The following PPL variants were observed in gnomAD, a reference collection of about 807,000 sequenced individuals.
PPL encodes periplakin, also known as 190 kDa paraneoplastic pemphigus antigen.
Under a neutral mutation model 194.4 loss-of-function variants are expected in PPL, and 198 were observed. The ratio of observed to expected loss-of-function variants is 1.02; its 90% CI spans 0.91 to 1.15. The LOEUF (loss-of-function observed/expected upper bound fraction) is 1.15, where lower values mean the gene tolerates loss of function less well. Ranked by LOEUF, PPL falls within the 50% of genes most tolerant of loss-of-function variation. The pLI, the probability that PPL is intolerant of heterozygous loss-of-function variation, is 0.00. For synonymous variants in PPL, 1,220 were observed against 972.4 expected (o/e 1.25, Z -4.74); for missense variants, 2,885 against 2,294.8 (o/e 1.26, Z -5.25).
intron 21 of PPL, 64 bp from the exon 22 acceptor site, chr16:4,886,111 C>T (rs2088215900): frequency 4.3e-5 from 68 of 1,599,132 alleles, no homozygotes; most frequent in Non-Finnish European, 5.7e-5. Context: ...GGGCCTGTCC[C>T]CACCTGGTCA....
At chr16:4,898,430 G>A (rs2088477194) in intron 8 of PPL, among the ~76,000 whole-genome samples, 1 of 152,156 alleles carries the variant, frequency 6.6e-6, no homozygotes, top group African/African-American at 2.4e-5. Context: ...CCTTATTTGG[G>A]AATAAGATCT....
At chr16:4,905,463 T>C (rs1163268770) in intron 2 of PPL, among the ~76,000 whole-genome samples, 1 of 152,056 alleles carries the variant, frequency 6.6e-6, no homozygotes, top group Non-Finnish European at 1.5e-5. Context: ...TAACAGTAAA[T>C]AGGCACAAGA....
intron 1 of PPL, among the ~76,000 whole-genome samples, chr16:4,916,630 G>A (rs1007252605): frequency 9.2e-5 from 14 of 151,364 alleles, no homozygotes; most frequent in Admixed American, 5.9e-4. Flanking sequence ...CTCAGCCTCC[G>A]AGTAACTGCG....
chr16:4,937,148 T>G lies in PPL; in HGVS notation c.-103A>C. On this transcript the variant is annotated 5_prime_UTR_variant, in exon 1 of 22. Coordinates refer to ENST00000345988, the MANE Select transcript of PPL (RefSeq NM_002705.5). Reference sequence around the variant, plus strand: ...GAGCGGCGGCGCGGGGAGCCCGGACTGCGGCGCGGCAGTGGCTCCGGGTCC... The same window carrying G: ...GAGCGGCGGCGCGGGGAGCCCGGACGGCGGCGCGGCAGTGGCTCCGGGTCC... 1.3e-6 allele frequency: 1 copy of G among 793,832 alleles called. No homozygotes were observed. Among genetic ancestry groups the G allele is most frequent in the Non-Finnish European group, 1.5e-6 (1 of 646,714 alleles). 49.2% of individuals were successfully genotyped at this position (793,832 alleles called of 1,614,324 possible). A position where few individuals can be genotyped will look rare whatever the true frequency, so the allele number is the denominator to read the frequency against.
chr16:4,883,573 G>C lies in PPL; in HGVS notation c.5082C>G (p.Asp1694Glu), dbSNP rs149462976. 1.9e-6 allele frequency: 3 copies of C among 1,614,154 alleles called. No homozygotes were observed. In the African/African-American group the frequency reaches 4.0e-5, roughly 22 times the overall value. Residue 1694 changes from aspartate to glutamate, a missense_variant, in exon 22 of 22, where the codon GAC (aspartate) becomes GAG (glutamate). By Grantham distance (45) the Asp-to-Glu change is conservative (BLOSUM62 2). Coordinates refer to ENST00000345988, the MANE Select transcript of PPL (RefSeq NM_002705.5). The surrounding 1 kb of genome is among the most constrained non-coding windows in gnomAD (Gnocchi z 4.8). ...MFVKLRSQEC[D>E]WEEISVKGPN... Reference sequence around the variant, plus strand: ...GACCCTTCACTGAGATCTCCTCCCAGTCGCACTCCTGGCTTCTGAGTTTCA... The same window carrying C: ...GACCCTTCACTGAGATCTCCTCCCACTCGCACTCCTGGCTTCTGAGTTTCA...
intron 19 of PPL, 75 bp downstream of exon 19, chr16:4,888,903 G>T: frequency 1.4e-6 from 2 of 1,443,586 alleles, no homozygotes; most frequent in Non-Finnish European, 1.9e-6. Context: ...GCCGGTGCTT[G>T]CTGCTTCTCT....
intron 12 of PPL, 44 bp downstream of exon 12, chr16:4,894,423 G>A: frequency 6.2e-7 from 1 of 1,601,284 alleles, no homozygotes; most frequent in Non-Finnish European, 8.5e-7. Context: ...AGAAGCCCTG[G>A]GGGTGGGACT....
At chr16:4,893,738 A>G in intron 12 of PPL, 100 bp from the exon 13 acceptor site, 1 of 934,876 alleles carries the variant, frequency 1.1e-6, no homozygotes, top group South Asian at 1.6e-5. Flanking sequence ...ACCCCAGAGG[A>G]GCCTGACAGC....
Position 4,888,180 on chromosome 16 carries a change from G to T in PPL, c.2436C>A (p.Leu812=). The change falls in exon 20 of 22, where the codon CTC becomes CTA. Residue 812 remains leucine, a synonymous_variant. Transcript: ENST00000345988. ...GGCTTCTCCTTCCATTCTCCAAGTC[G>T]AGAAGAGACCTTAGTTTTTCTGCTT... ...ELEAEKLRSL[L]DLENGRRSHV... The T allele has an allele frequency of 6.2e-7, 1 of 1,613,584 alleles. No homozygotes were observed. The highest frequency in any genetic ancestry group is 1.1e-5 in the South Asian group (1 of 91,062).
rs753720938 is a variant in PPL at position 4,885,811 on chromosome 16, C to G, written c.2844G>C (p.Glu948Asp). 4 of 1,608,720 alleles carry G rather than the reference C, an allele frequency of 2.5e-6. No individual in the cohort carries two copies. Among genetic ancestry groups the G allele is most frequent in the South Asian group, 1.1e-5 (1 of 91,090 alleles). ...GCGTCCGCTGCAGCTGCTGGAAGCT[C>G]TCCTCCAGCACGGGATCCGGCACCT... ...LKKVPDPVLE[E>D]SFQQLQRTLA... is the part of the protein sequence containing the mutation. Residue 948 changes from glutamate to aspartate, a missense_variant, in exon 22 of 22, where the codon GAG becomes GAC. Transcript: ENST00000345988. This position sits in a 1 kb window ranked among gnomAD's most constrained non-coding sequence, Gnocchi z 6.3.
chr16:4,927,399 G>T (rs1202291778), intron 1 of PPL, among the ~76,000 whole-genome samples: 1 of 152,210 alleles, frequency 6.6e-6, no homozygotes, highest in Admixed American at 6.5e-5. Flanking sequence ...TGTCCATGGA[G>T]ATTTTGACTT....
In PPL at chr16:4,893,195, C is replaced by T; in HGVS notation, c.1650+18G>A. The T allele has an allele frequency of 6.5e-7, 1 of 1,531,722 alleles. No individual in the cohort carries two copies. The highest frequency in any genetic ancestry group is 8.8e-7 in the Non-Finnish European group (1 of 1,140,282). The allele number at this position is 1,531,722 out of a possible 1,614,324, so 94.9% of individuals were successfully genotyped here. ...CAGGGCTCCCCCGGCCCCACCTGTGCTCCTGACCCGCAGGTACCTTGAGGT... is the reference window on the plus strand; with the variant it reads ...CAGGGCTCCCCCGGCCCCACCTGTGTTCCTGACCCGCAGGTACCTTGAGGT... On this transcript the variant is annotated intron_variant, in intron 14 of 21. Coordinates refer to ENST00000345988, the MANE Select transcript of PPL (RefSeq NM_002705.5).
intron 1 of PPL, among the ~76,000 whole-genome samples, chr16:4,927,449 T>G (rs1158600008): frequency 6.6e-6 from 1 of 152,180 alleles, no homozygotes; most frequent in Admixed American, 6.5e-5. Flanking sequence ...TGTTCAAAAC[T>G]CCTCAGGTGA....
At chr16:4,896,629 G>A (rs2088434543) in intron 9 of PPL, among the ~76,000 whole-genome samples, 1 of 150,186 alleles carries the variant, frequency 6.7e-6, no homozygotes, top group Non-Finnish European at 1.5e-5. Context: ...TGCCTAATGA[G>A]TACGGGGTTG....
In PPL at chr16:4,895,609, C is replaced by T. The variant is rs200813533; in HGVS notation, c.1080G>A (p.Leu360=). The change falls in exon 10 of 22, where the codon CTG becomes CTA. Residue 360 remains leucine, a synonymous_variant. Coordinates refer to ENST00000345988, the MANE Select transcript of PPL (RefSeq NM_002705.5). The stretch of plus-strand genomic sequence containing the variant: ...CATCGCTCACATCCAGCTCCCGCAG[C>T]AGCAGCTCAATCTGGTACCGGTCCT... The part of the protein sequence containing the change: ...DFKDRYQIEL[L]LRELDDQEKV... The T allele has an allele frequency of 3.7e-6, 6 of 1,613,990 alleles. No individual in the cohort carries two copies. In the African/African-American group the frequency reaches 6.7e-5, roughly 18 times the overall value.
intron 6 of PPL, 119 bp downstream of exon 6, chr16:4,900,711 T>G: frequency 3.8e-5 from 54 of 1,406,032 alleles, no homozygotes; most frequent in Non-Finnish European, 5.0e-5. Context: ...GTGCTAGGCG[T>G]GAGCCACCAT....
At chr16:4,908,533 C>G (rs1046861589) in intron 2 of PPL, among the ~76,000 whole-genome samples, 1 of 145,702 alleles carries the variant, frequency 6.9e-6, no homozygotes, top group Non-Finnish European at 1.5e-5. Flanking sequence ...ACATGACTGA[C>G]TTTATTGATT....
At chr16:4,889,451 G>A (rs577916552) in intron 18 of PPL, among the ~76,000 whole-genome samples, 7 of 151,320 alleles carry the variant, frequency 4.6e-5, no homozygotes, top group Non-Finnish European at 1.0e-4. Flanking sequence ...TAGAGATTTG[G>A]TTTCATTATG....
At position 4,885,805 on chromosome 16, in the gene PPL, G is replaced by A. The variant is rs368963070; in HGVS notation, c.2850C>T (p.Phe950=). 100 of 1,608,884 alleles carry A rather than the reference G, an allele frequency of 6.2e-5. No individual in the cohort carries two copies. Among genetic ancestry groups the A allele is most frequent in the Middle Eastern group, 4.9e-4 (3 of 6,084 alleles). Residue 950 remains phenylalanine, a synonymous_variant, in exon 22 of 22, where the codon TTC becomes TTT. Transcript: ENST00000345988. The surrounding 1 kb of genome is among the most constrained non-coding windows in gnomAD (Gnocchi z 6.3). ...KVPDPVLEES[F]QQLQRTLAEE... ...CTGCCAGCGTCCGCTGCAGCTGCTG[G>A]AAGCTCTCCTCCAGCACGGGATCCG...
Sources: allele counts gnomAD v4.1 joint callset (sites outside exome capture counted in the v4.1 genomes callset), GRCh38; gene constraint gnomAD v4.1.1; non-coding constraint Gnocchi (gnomAD v3.1); transcripts MANE v1.5; gene names NCBI Gene and HGNC (gene_info 2026-07-23, HGNC 2026-07-21).